Variants in ZNF410 observed in about 807,000 individuals in gnomAD.
ZNF410 encodes the protein zinc finger protein 410.
ZNF410 carries 18 observed loss-of-function variants against 54.8 expected under a neutral mutation model. That is an observed-to-expected ratio of 0.33 (90% CI 0.23 to 0.49). The LOEUF (loss-of-function observed/expected upper bound fraction) is 0.49, where lower values mean the gene tolerates loss of function less well. Among genes scored for constraint, ZNF410 ranks in the 20% least tolerant of loss-of-function variants. The pLI, the probability that ZNF410 is intolerant of heterozygous loss-of-function variation, is 0.99. For synonymous variants in ZNF410, 191 were observed against 207.3 expected (o/e 0.92, Z 0.68); for missense variants, 405 against 569.6 (o/e 0.71, Z 2.94).
At chr14:73,900,728 AAC>A (rs1174789669) in intron 5 of ZNF410, among the ~76,000 whole-genome samples, 2 of 130,122 alleles carry the variant, frequency 1.5e-5, no homozygotes, top group Non-Finnish European at 3.2e-5. Flanking sequence ...TTCACCCACT[AAC>A]ACAAGCTTGT....
At chr14:73,910,587 A>G (rs553892327) in intron 8 of ZNF410, among the ~76,000 whole-genome samples, 1 of 152,042 alleles carries the variant, frequency 6.6e-6, no homozygotes, top group East Asian at 1.9e-4. Context: ...AGATTAGCCT[A>G]CTAAAAAAAT....
At chr14:73,919,444 G>A (rs1160810866) in intron 8 of ZNF410, among the ~76,000 whole-genome samples, 2 of 152,050 alleles carry the variant, frequency 1.3e-5, no homozygotes, top group Non-Finnish European at 2.9e-5. Flanking sequence ...CCCTTGCCCC[G>A]TAGCCGCTTT....
At position 73,932,510 on chromosome 14, in the gene ZNF410, TGA is replaced by T. The variant is rs1566671253; in HGVS notation, c.*970_*971del. 2.2e-6 allele frequency: 1 copy of T among 447,214 alleles called. No homozygotes were observed. The highest frequency in any genetic ancestry group is 4.4e-6 in the Non-Finnish European group (1 of 224,892). The allele number at this position is 447,214 out of a possible 1,614,324, so 27.7% of individuals were successfully genotyped here. The stretch of plus-strand genomic sequence containing the variant: ...AAATGGCAATAAAAACAGATACTTC[TGA>T]ATTTTTCCACAAAGATAGTTTTTTT... On this transcript the variant is annotated 3_prime_UTR_variant, in exon 12 of 12. Coordinates refer to ENST00000555044, the MANE Select transcript of ZNF410 (RefSeq NM_021188.3).
At chr14:73,897,781 G>A (rs2055342509) in intron 4 of ZNF410, among the ~76,000 whole-genome samples, 1 of 152,054 alleles carries the variant, frequency 6.6e-6, no homozygotes, top group African/African-American at 2.4e-5. Context: ...AGACCAGCCT[G>A]ACCAACATGG....
chr14:73,932,335 C>A lies in ZNF410; in HGVS notation c.*794C>A, dbSNP rs760891694. Reference sequence around the variant, plus strand: ...TTTTCTTAGAGATTAAGAATTTAATCTTTCCCTTTAAAATAGTGTATTGAT... The same window carrying A: ...TTTTCTTAGAGATTAAGAATTTAATATTTCCCTTTAAAATAGTGTATTGAT... On this transcript the variant is annotated 3_prime_UTR_variant, in exon 12 of 12. Coordinates refer to ENST00000555044, the MANE Select transcript of ZNF410 (RefSeq NM_021188.3). 1 of 354,974 alleles carries A rather than the reference C, an allele frequency of 2.8e-6. No individual in the cohort carries two copies. Among genetic ancestry groups the A allele is most frequent in the South Asian group, 2.2e-5 (1 of 46,370 alleles). The allele number at this position is 354,974 out of a possible 1,614,324, so 22.0% of individuals were successfully genotyped here.
In ZNF410 at chr14:73,890,086, C is replaced by T. The variant is rs1358401636; in HGVS notation, c.-149-1941C>T. On this transcript the variant is annotated intron_variant, in intron 1 of 11. Coordinates refer to ENST00000555044, the MANE Select transcript of ZNF410 (RefSeq NM_021188.3). ...CTGGGATTACAGGCGTGAGCCACTG[C>T]TCCCGGCCTAAATGGTTACTTTTTT... 3.3e-5 allele frequency among the ~76,000 whole-genome samples: 5 copies of T among 150,882 alleles called. No homozygotes were observed. The East Asian group carries it at 9.8e-4, about 30-fold the overall frequency.
chr14:73,896,484 T>C lies in ZNF410; in HGVS notation c.338T>C (p.Leu113Pro), dbSNP rs1158479376. Reference sequence around the variant, plus strand: ...GAGTCTTCTAGCTTGTTGCAAGATCTACAGCCAAGTGATAGCACTTCTTTT... The same window carrying C: ...GAGTCTTCTAGCTTGTTGCAAGATCCACAGCCAAGTGATAGCACTTCTTTT... ...TSESSSLLQD[L>P]QPSDSTSFIL... Residue 113 changes from leucine to proline, a missense_variant, in exon 4 of 12, where the codon CTA (leucine) becomes CCA (proline). Leu to Pro is a moderately conservative substitution (Grantham distance 98). Transcript: ENST00000555044. The C allele has an allele frequency of 6.2e-7, 1 of 1,614,088 alleles. No homozygotes were observed. Among genetic ancestry groups the C allele is most frequent in the African/African-American group, 1.3e-5 (1 of 74,930 alleles).
At chr14:73,930,630 G>C (rs11624247) in intron 11 of ZNF410, among the ~76,000 whole-genome samples, 98,403 of 151,902 alleles carry the variant, frequency 0.65, 32,078 homozygotes, top group South Asian at 0.72. Context: ...AACAGTCTCA[G>C]TCTGTCACTC....
At chr14:73,913,227 T>C (rs201733452) in intron 8 of ZNF410, 1 of 152,120 alleles carries the variant, frequency 6.6e-6, no homozygotes, top group South Asian at 2.1e-4. Flanking sequence ...AAAATAAATA[T>C]GCATTCATTC....
At chr14:73,908,087 GT>G (rs1275550339) in intron 7 of ZNF410, among the ~76,000 whole-genome samples, 1 of 152,112 alleles carries the variant, frequency 6.6e-6, no homozygotes, top group Non-Finnish European at 1.5e-5. Flanking sequence ...ATGCAAATAA[GT>G]GGTAGTGCCA....
chr14:73,932,252 C>A lies in ZNF410; in HGVS notation c.*711C>A. On this transcript the variant is annotated 3_prime_UTR_variant, in exon 12 of 12. Transcript: ENST00000555044. ...ACATGATGCAGAGATTCAGGTTTTC[C>A]TTTAAATAAACAAAACAGCCCAGTC... The A allele has an allele frequency of 3.0e-6, 1 of 332,578 alleles. No homozygotes were observed. Among genetic ancestry groups the A allele is most frequent in the East Asian group, 8.2e-5 (1 of 12,216 alleles). The allele number at this position is 332,578 out of a possible 1,614,324, so 20.6% of individuals were successfully genotyped here.
chr14:73,888,428 C>T (rs758809882), intron 1 of ZNF410: 13 of 152,074 alleles, frequency 8.5e-5, no homozygotes, highest in Non-Finnish European at 1.6e-4. Context: ...CAGTTGCTTA[C>T]TGGGAAGCTT....
At chr14:73,887,070 G>A (rs1161640560) in intron 1 of ZNF410, 155 bp downstream of exon 1, 11 of 152,782 alleles carry the variant, frequency 7.2e-5, no homozygotes, top group Admixed American at 7.2e-4. Context: ...GCGGGCCCGG[G>A]AGCGGCCAGT....
At chr14:73,927,190 G>A (rs2055847237) in intron 11 of ZNF410, 2 of 262,790 alleles carry the variant, frequency 7.6e-6, no homozygotes, top group Non-Finnish European at 1.6e-5. Flanking sequence ...AATTCAAGCG[G>A]TTCTTCTGCC....
chr14:73,900,664 C>G (rs1204795373), intron 5 of ZNF410, among the ~76,000 whole-genome samples: 1 of 152,120 alleles, frequency 6.6e-6, no homozygotes, highest in East Asian at 1.9e-4. Context: ...CGTGAGCCAC[C>G]GTGCGTGGTC....
Position 73,918,800 on chromosome 14 carries a change from G to A in ZNF410, c.1004-2180G>A, listed in dbSNP as rs28690059. Among the ~76,000 whole-genome samples the A allele has an allele frequency of 9.9e-3, 1,387 of 140,548 alleles. 16 individuals carry two copies. The highest frequency in any genetic ancestry group is 0.027 in the African/African-American group (1,031 of 37,764). The allele number at this position is 140,548 out of a possible 152,430, so 92.2% of individuals were successfully genotyped here. A position where few individuals can be genotyped will look rare whatever the true frequency, so the allele number is the denominator to read the frequency against. The stretch of plus-strand genomic sequence containing the variant: ...TGCAAGCTCTGCCTCCTCGGTTCAC[G>A]CCATTCTTCTGCCTCAGCGTACCGA... On this transcript the variant is annotated intron_variant, in intron 8 of 11. Transcript: ENST00000555044.
At position 73,905,020 on chromosome 14, in the gene ZNF410, T is replaced by A. The variant is rs775448235; in HGVS notation, c.850T>A (p.Ser284Thr). ...NGEKPFMCHE[S>T]GCGKQFTTAG... Reference sequence around the variant, plus strand: ...AGAGAAGCCCTTTATGTGCCATGAGTCTGGCTGTGGTAAGCAGTTTACTAC... The same window carrying A: ...AGAGAAGCCCTTTATGTGCCATGAGACTGGCTGTGGTAAGCAGTTTACTAC... Residue 284 changes from serine (S) to threonine (T), a missense_variant, in exon 7 of 12, where the codon TCT becomes ACT. Around this residue, in one of 3 missense-constraint regions of ZNF410, gnomAD observed 247 missense variants for 342.8 expected, o/e 0.72. Transcript: ENST00000555044. 4.3e-5 allele frequency: 70 copies of A among 1,613,900 alleles called. No individual in the cohort carries two copies. The highest frequency in any genetic ancestry group is 5.6e-5 in the Non-Finnish European group (66 of 1,180,028).
rs919408192 is a variant in ZNF410, at chr14:73,903,775, T to C, written c.581-185T>C. On this transcript the variant is annotated intron_variant, in intron 5 of 11. Transcript: ENST00000555044. ...CTTGGCTTCCCAAAGTGCTTGGGATTATAGGTGTGAGCACCATGCCTGGCC... is the reference window on the plus strand; with the variant it reads ...CTTGGCTTCCCAAAGTGCTTGGGATCATAGGTGTGAGCACCATGCCTGGCC... 6.6e-6 allele frequency: 5 copies of C among 757,282 alleles called. No homozygotes were observed. In the African/African-American group the frequency reaches 7.1e-5, roughly 11 times the overall value. 46.9% of individuals were successfully genotyped at this position (757,282 alleles called of 1,614,324 possible).
intron 8 of ZNF410, among the ~76,000 whole-genome samples, chr14:73,911,629 A>G (rs2055579304): frequency 6.6e-6 from 1 of 152,168 alleles, no homozygotes; most frequent in Non-Finnish European, 1.5e-5. Flanking sequence ...ACCAAAGTAG[A>G]GAAATTTTTT....
Sources: allele counts gnomAD v4.1 joint callset (sites outside exome capture counted in the v4.1 genomes callset), GRCh38; gene constraint gnomAD v4.1.1; regional missense constraint gnomAD v4.1.1; transcripts MANE v1.5; gene names NCBI Gene and HGNC (gene_info 2026-07-23, HGNC 2026-07-21).